The following IGSF11 variants were observed in gnomAD, a reference collection of about 807,000 sequenced individuals.
The protein encoded by IGSF11 is CXADR like 1.
IGSF11 carries 22 observed loss-of-function variants against 41.0 expected under a neutral mutation model. The ratio of observed to expected loss-of-function variants is 0.54; its 90% CI spans 0.38 to 0.77. The LOEUF is 0.77. Among genes scored for constraint, IGSF11 ranks in the 30% least tolerant of loss-of-function variants. The pLI is 0.00. For missense variants in IGSF11, 444 were observed against 530.8 expected, an observed-to-expected ratio of 0.84 and a Z score of 1.61; for synonymous variants, 219 against 201.3, an observed-to-expected ratio of 1.09 and a Z score of -0.74.
At chr3:118,962,595 C>A (rs1202249386) in intron 1 of IGSF11, among the ~76,000 whole-genome samples, 1 of 151,998 alleles carries the variant, frequency 6.6e-6, no homozygotes, top group East Asian at 1.9e-4. Context: ...TTTGATGGTT[C>A]TGAGGGACAG....
intron 1 of IGSF11, among the ~76,000 whole-genome samples, chr3:119,075,931 T>A (rs1026493701): frequency 3.9e-5 from 6 of 152,204 alleles, no homozygotes; most frequent in Admixed American, 1.3e-4. Context: ...ATATGGAACC[T>A]AAAAAGAGCC....
In IGSF11 at chr3:119,034,217, G is replaced by C. The variant is rs969645219; in HGVS notation, c.52+314C>G. Among the ~76,000 whole-genome samples, 20 of 152,362 alleles carry C rather than the reference G, an allele frequency of 1.3e-4. 1 individual carries two copies. The highest frequency in any genetic ancestry group is 4.3e-4 in the African/African-American group (18 of 41,592). ...TCTAACTGGACCAGTGAGTAAGGGA[G>C]TTCGTTATCTAAAAAGGATCCTGCA... On this transcript the variant is annotated intron_variant, in intron 1 of 6. Coordinates refer to ENST00000393775, the MANE Select transcript of IGSF11 (RefSeq NM_001015887.3).
At chr3:119,056,707 C>T (rs896933657) in intron 1 of IGSF11, among the ~76,000 whole-genome samples, 5 of 152,114 alleles carry the variant, frequency 3.3e-5, no homozygotes, top group Non-Finnish European at 7.4e-5. Flanking sequence ...GATGAACATT[C>T]ATGCAAAAAG....
chr3:119,058,298 CA>C (rs1457730598), intron 1 of IGSF11, among the ~76,000 whole-genome samples: 1 of 152,114 alleles, frequency 6.6e-6, no homozygotes, highest in Non-Finnish European at 1.5e-5. Flanking sequence ...ACAACCCCAT[CA>C]AAAAGTGGGC....
At chr3:118,913,232 C>T (rs1024981338) in intron 4 of IGSF11, among the ~76,000 whole-genome samples, 37 of 151,080 alleles carry the variant, frequency 2.4e-4, no homozygotes, top group African/African-American at 8.3e-4. Context: ...TAACAGGAAA[C>T]AATAAAGAAA....
intron 1 of IGSF11, among the ~76,000 whole-genome samples, chr3:119,133,105 C>T (rs994514353): frequency 2.0e-5 from 3 of 152,024 alleles, no homozygotes; most frequent in African/African-American, 7.2e-5. Flanking sequence ...ATGCCCACAA[C>T]TGAAAGCAGT....
chr3:119,094,223 T>TTAAAAAAAAAAAAA (rs1491294473), intron 1 of IGSF11, among the ~76,000 whole-genome samples: 11 of 35,066 alleles, frequency 3.1e-4, no homozygotes, highest in Non-Finnish European at 5.1e-4. Flanking sequence ...CATAGCGAAG[T>TTAAAAAAAAAAAAA]AAAAAAAAAA....
In IGSF11 at chr3:118,901,148, T is replaced by TAG. The variant is rs1400680940; in HGVS notation, c.*1371_*1372insCT. ...AATTTGTGGGTTGCTTAAGTGTGGT[T>TAG]AAGGCAAGACAGTCACTAATGCAAG... is the stretch of plus-strand genomic sequence containing the variant. On this transcript the variant is annotated 3_prime_UTR_variant, in exon 7 of 7. Coordinates refer to ENST00000393775, the MANE Select transcript of IGSF11 (RefSeq NM_001015887.3). 3.9e-4 allele frequency: 60 copies of TAG among 152,496 alleles called. No homozygotes were observed. The highest frequency in any genetic ancestry group is 1.4e-3 in the African/African-American group (59 of 41,582). The allele number at this position is 152,496 out of a possible 1,614,324, so 9.4% of individuals were successfully genotyped here. A position where few individuals can be genotyped will look rare whatever the true frequency, so the allele number is the denominator to read the frequency against.
At chr3:119,119,922 CT>C (rs2077310081) in intron 1 of IGSF11, among the ~76,000 whole-genome samples, 1 of 152,230 alleles carries the variant, frequency 6.6e-6, no homozygotes, top group African/African-American at 2.4e-5. Context: ...CCCAAGTCAT[CT>C]CTTGAATGTT....
At position 118,902,401 on chromosome 3, in the gene IGSF11, T is replaced by C; in HGVS notation, c.*119A>G. On this transcript the variant is annotated 3_prime_UTR_variant, in exon 7 of 7. Coordinates refer to ENST00000393775, the MANE Select transcript of IGSF11 (RefSeq NM_001015887.3). ...AGTAACAGCACTGCCTTCTTCTTTGTGCATTTTACTAATATAATTATAAGG... is the reference window on the plus strand; with the variant it reads ...AGTAACAGCACTGCCTTCTTCTTTGCGCATTTTACTAATATAATTATAAGG... 2 of 784,606 alleles carry C rather than the reference T, an allele frequency of 2.5e-6. No individual in the cohort carries two copies. Among genetic ancestry groups the C allele is most frequent in the Non-Finnish European group, 4.1e-6 (2 of 485,218 alleles). The allele number at this position is 784,606 out of a possible 1,614,324, so 48.6% of individuals were successfully genotyped here.
intron 1 of IGSF11, among the ~76,000 whole-genome samples, chr3:119,115,375 A>T (rs1415268741): frequency 6.6e-6 from 1 of 152,206 alleles, no homozygotes; most frequent in African/African-American, 2.4e-5. Context: ...AACAGGGTAC[A>T]AGGGTTCCCT....
At chr3:119,090,186 C>A (rs1214136703) in intron 1 of IGSF11, among the ~76,000 whole-genome samples, 1 of 151,964 alleles carries the variant, frequency 6.6e-6, no homozygotes, top group Non-Finnish European at 1.5e-5. Context: ...TATAGCTAAC[C>A]AAGGAAGTGA....
intron 1 of IGSF11, among the ~76,000 whole-genome samples, chr3:119,142,099 C>A (rs926878718): frequency 2.6e-5 from 4 of 151,972 alleles, no homozygotes; most frequent in African/African-American, 4.8e-5. Context: ...CACGGTGAAA[C>A]CCCCTCTCTA....
chr3:118,973,608 C>T (rs9874208), intron 1 of IGSF11, among the ~76,000 whole-genome samples: 11,758 of 151,876 alleles, frequency 0.077, 644 homozygotes, highest in Admixed American at 0.16. Context: ...CTCAGCATTG[C>T]TACACTATAA....
intron 1 of IGSF11, among the ~76,000 whole-genome samples, chr3:119,008,981 G>C (rs1395138709): frequency 6.6e-6 from 1 of 152,110 alleles, no homozygotes; most frequent in Non-Finnish European, 1.5e-5. Flanking sequence ...CTAGGATACT[G>C]CCTCTGCAGA....
chr3:119,013,560 C>T (rs997531894), intron 1 of IGSF11, among the ~76,000 whole-genome samples: 2 of 152,202 alleles, frequency 1.3e-5, no homozygotes, highest in African/African-American at 4.8e-5. Context: ...ATAAGGCAAA[C>T]AGTATCGATT....
intron 1 of IGSF11, among the ~76,000 whole-genome samples, chr3:118,945,385 T>C (rs779319615): frequency 5.9e-5 from 9 of 152,242 alleles, no homozygotes; most frequent in Non-Finnish European, 1.0e-4. Context: ...AAGAAGCTTA[T>C]TTTGGCATGA....
intron 1 of IGSF11, among the ~76,000 whole-genome samples, chr3:118,999,295 G>A (rs1301035068): frequency 2.6e-5 from 4 of 151,942 alleles, no homozygotes; most frequent in Admixed American, 6.6e-5. Flanking sequence ...ATGTATAAGA[G>A]TACTTGAAAA....
chr3:118,905,640 G>A lies in IGSF11; in HGVS notation c.659C>T (p.Ala220Val). 5 of 1,613,832 alleles carry A rather than the reference G, an allele frequency of 3.1e-6. No individual in the cohort carries two copies. In the South Asian group the frequency reaches 3.3e-5, roughly 11 times the overall value. Residue 220 changes from alanine (A) to valine (V), a missense_variant, in exon 5 of 7, where the codon GCT becomes GTT. Around this residue, in one of 3 missense-constraint regions of IGSF11, gnomAD observed 193 missense variants for 283.5 expected, o/e 0.68. Transcript: ENST00000393775. ...CAGAAGACAGGTGCTGGTTCCAATA[G>A]CATTAGAAGCCACGCACTGGTACAA... ...SGLYQCVASN[A>V]IGTSTCLLDL...
Sources: gnomAD v4.1 joint callset for allele counts (sites outside exome capture counted in the v4.1 genomes callset) on GRCh38, gnomAD v4.1.1 for gene constraint, gnomAD v4.1.1 regional missense constraint, MANE v1.5 for transcripts, NCBI Gene and HGNC (gene_info 2026-07-23, HGNC 2026-07-21) for gene names.